Variants in RNF6 observed in about 807,000 individuals in gnomAD.
The protein encoded by RNF6 is ring finger protein 6.
A neutral mutation model predicts 50.1 loss-of-function variants in RNF6; 21 were observed. The observed-to-expected ratio is 0.42, with a 90% CI of 0.30 to 0.60. The LOEUF (loss-of-function observed/expected upper bound fraction) is 0.60. RNF6 is among the 20% of genes least tolerant of loss of function. The pLI, the probability that RNF6 is intolerant of heterozygous loss-of-function variation, is 0.20. For missense variants in RNF6, 698 were observed against 838.2 expected, an observed-to-expected ratio of 0.83 and a Z score of 2.07; for synonymous variants, 255 against 291.8, an observed-to-expected ratio of 0.87 and a Z score of 1.29.
At chr13:26,165,627 G>A (rs1872415809) in intron 5 of RNF6, among the ~76,000 whole-genome samples, 1 of 152,230 alleles carries the variant, frequency 6.6e-6, no homozygotes, top group Admixed American at 6.5e-5. Context: ...CCCACCTCTT[G>A]CATCAGCTTG....
chr13:26,218,781 C>T (rs564770260), intron 3 of RNF6, among the ~76,000 whole-genome samples, 175 bp from the exon 4 acceptor site: 8 of 152,124 alleles, frequency 5.3e-5, no homozygotes, highest in East Asian at 1.9e-4. Context: ...TGCATCAATT[C>T]GGTTGTGCTT....
At chr13:26,175,078 C>T (rs925954514) in intron 5 of RNF6, among the ~76,000 whole-genome samples, 11 of 152,170 alleles carry the variant, frequency 7.2e-5, no homozygotes, top group Admixed American at 2.0e-4. Context: ...CCATTGGCGT[C>T]CGGTGCCTTT....
At chr13:26,147,990 AT>A (rs1198456998) in intron 5 of RNF6, among the ~76,000 whole-genome samples, 1 of 152,220 alleles carries the variant, frequency 6.6e-6, no homozygotes, top group Non-Finnish European at 1.5e-5. Context: ...TCACACTGCT[AT>A]AAAGAACTGC....
intron 5 of RNF6, among the ~76,000 whole-genome samples, chr13:26,175,880 A>G (rs1031684218): frequency 3.3e-5 from 5 of 152,128 alleles, no homozygotes; most frequent in African/African-American, 1.2e-4. Flanking sequence ...TTTGGAATTC[A>G]TAATTCTTAA....
At chr13:26,194,769 A>G (rs529500795) in intron 5 of RNF6, among the ~76,000 whole-genome samples, 1 of 152,188 alleles carries the variant, frequency 6.6e-6, no homozygotes, top group Non-Finnish European at 1.5e-5. Context: ...TTGGAGTCTG[A>G]TGTTCAAGGG....
chr13:26,208,758 G>A (rs1048020717), downstream of RNF6, among the ~76,000 whole-genome samples: 19 of 152,202 alleles, frequency 1.2e-4, no homozygotes, highest in African/African-American at 4.6e-4. Context: ...ATTGGTTGGA[G>A]TAAAGAAGGT....
intron 5 of RNF6, among the ~76,000 whole-genome samples, chr13:26,186,892 C>G (rs1873575209): frequency 6.6e-6 from 1 of 152,114 alleles, no homozygotes; most frequent in Admixed American, 6.5e-5. Context: ...ATTCTCCTGC[C>G]TCAGCCTCCC....
intron 5 of RNF6, among the ~76,000 whole-genome samples, chr13:26,134,668 G>A (rs533170158): frequency 3.9e-5 from 6 of 152,150 alleles, no homozygotes; most frequent in East Asian, 3.9e-4. Flanking sequence ...CAGAGTCTTC[G>A]TAGGTTTTTT....
At chr13:26,191,603 G>A (rs750607144) in intron 5 of RNF6, among the ~76,000 whole-genome samples, 16 of 152,122 alleles carry the variant, frequency 1.1e-4, no homozygotes, top group Non-Finnish European at 1.8e-4. Context: ...AAAGTGCTTG[G>A]CAGTTCTCTC....
intron 5 of RNF6, among the ~76,000 whole-genome samples, chr13:26,137,126 G>T (rs1408758934): frequency 6.6e-6 from 1 of 152,106 alleles, no homozygotes; most frequent in Non-Finnish European, 1.5e-5. Flanking sequence ...TTCTCTAGAA[G>T]ACTTCCCCCT....
At chr13:26,154,401 G>A (rs1566411626) in intron 5 of RNF6, among the ~76,000 whole-genome samples, 1 of 152,226 alleles carries the variant, frequency 6.6e-6, no homozygotes. Flanking sequence ...CAGGAACTAA[G>A]TAGTATGTGT....
At chr13:26,163,024 C>T (rs1872282710) in intron 5 of RNF6, among the ~76,000 whole-genome samples, 1 of 152,196 alleles carries the variant, frequency 6.6e-6, no homozygotes, top group Non-Finnish European at 1.5e-5. Context: ...CAATTACCAA[C>T]TTGTGGCCGG....
intron 5 of RNF6, among the ~76,000 whole-genome samples, chr13:26,159,623 T>G (rs1392635913): frequency 6.7e-6 from 1 of 150,192 alleles, no homozygotes; most frequent in East Asian, 1.9e-4. Context: ...AAACTCCATC[T>G]CAAAAAAAAA....
chr13:26,137,299 A>G (rs1205052181), intron 5 of RNF6, among the ~76,000 whole-genome samples: 3 of 151,894 alleles, frequency 2.0e-5, no homozygotes, highest in South Asian at 2.1e-4. Context: ...TAGATTAACT[A>G]AAGAGCTTTT....
intron 4 of RNF6, among the ~76,000 whole-genome samples, chr13:26,216,860 CAGG>C (rs1869931473): frequency 6.6e-6 from 1 of 152,134 alleles, no homozygotes. Flanking sequence ...GAGGCTGAGG[CAGG>C]AGAATTGCTT....
chr13:26,219,713 C>T, intron 2 of RNF6, 46 bp from the exon 3 acceptor site: 2 of 1,485,160 alleles, frequency 1.3e-6, no homozygotes, highest in Non-Finnish European at 1.8e-6. Flanking sequence ...AGTCATGGAC[C>T]ACATTTGGCT....
chr13:26,162,317 C>T (rs1872250579), intron 5 of RNF6, among the ~76,000 whole-genome samples: 1 of 152,176 alleles, frequency 6.6e-6, no homozygotes, highest in South Asian at 2.1e-4. Context: ...GTCACCATGC[C>T]CTGCCCTGCT....
chr13:26,210,587 A>G (rs1869283481), downstream of RNF6, among the ~76,000 whole-genome samples: 1 of 152,244 alleles, frequency 6.6e-6, no homozygotes, highest in Non-Finnish European at 1.5e-5. Flanking sequence ...ATGATAGAAC[A>G]AAGTTGTAAA....
Position 26,199,159 on chromosome 13 carries a change from G to A in RNF6, n.768+16315C>T, listed in dbSNP as rs892980377. Among the ~76,000 whole-genome samples the A allele has an allele frequency of 9.2e-5, 14 of 151,908 alleles. 1 individual carries two copies. The highest frequency in any genetic ancestry group is 1.0e-4 in the Non-Finnish European group (7 of 68,000). ...GTATATGAAAATGCAAAGGACCTAGGGCAGTCAAAATAGTGTAGAATGACA... is the reference window on the plus strand; with the variant it reads ...GTATATGAAAATGCAAAGGACCTAGAGCAGTCAAAATAGTGTAGAATGACA... On this transcript the variant is annotated intron_variant and non_coding_transcript_variant, in intron 5 of 5. Coordinates refer to the RNF6 transcript ENST00000468480.
Sources: gnomAD v4.1 joint callset for allele counts (sites outside exome capture counted in the v4.1 genomes callset) on GRCh38, gnomAD v4.1.1 for gene constraint, MANE v1.5 for transcripts, NCBI Gene and HGNC (gene_info 2026-07-23, HGNC 2026-07-21) for gene names.